The following ZNF44 variants were observed in gnomAD, a reference collection of about 807,000 sequenced individuals.
ZNF44 encodes gonadotropin inducible transcription repressor-2.
Under a neutral mutation model 11.7 loss-of-function variants are expected in ZNF44, and 9 were observed. That is an observed-to-expected ratio of 0.77 (90% confidence interval 0.46 to 1.35). ZNF44 has a LOEUF of 1.35. Among genes scored for constraint, ZNF44 ranks in the 40% most tolerant of loss-of-function variants. The probability of loss-of-function intolerance (pLI) is 0.00; values close to 1 mark genes in which losing one functional copy is unlikely to be tolerated. For synonymous variants in ZNF44, 224 were observed against 242.7 expected (o/e 0.92, Z 0.72); for missense variants, 696 against 743.1 (o/e 0.94, Z 0.74).
intron 5 of ZNF44, among the ~76,000 whole-genome samples, chr19:12,259,041 A>G (rs1449163296): frequency 2.0e-5 from 3 of 151,870 alleles, no homozygotes; most frequent in Admixed American, 6.6e-5. Context: ...CACCCGGCTA[A>G]TTTTTGTATT....
intron 5 of ZNF44, among the ~76,000 whole-genome samples, chr19:12,255,585 G>C (rs1917216672): frequency 6.6e-6 from 1 of 152,152 alleles, no homozygotes; most frequent in African/African-American, 2.4e-5. Flanking sequence ...TGAAAAACAA[G>C]ATGCTTTCCC....
Position 12,272,539 on chromosome 19 carries a change from G to C in ZNF44, c.1716C>G (p.Ser572=). The C allele has an allele frequency of 6.2e-7, 1 of 1,613,016 alleles. No homozygotes were observed. The highest frequency in any genetic ancestry group is 8.5e-7 in the Non-Finnish European group (1 of 1,179,622). The change falls in exon 4 of 4, where the codon TCC becomes TCG. Residue 572 remains serine (S), a synonymous_variant. Transcript: ENST00000355684. ...TTCTTTCATGTTCTCGACAGAAACT[G>C]GAACGACTGAAGGCTTTACCACAGT... is the stretch of plus-strand genomic sequence containing the variant. ...CKHCGKAFSR[S]SFCREHERTH...
At chr19:12,294,472 G>A (rs1216403176) in intron 1 of ZNF44, among the ~76,000 whole-genome samples, 2 of 152,226 alleles carry the variant, frequency 1.3e-5, no homozygotes, top group African/African-American at 4.8e-5. Flanking sequence ...GGCCGGGGCC[G>A]CAGTCGCAGC....
intron 5 of ZNF44, among the ~76,000 whole-genome samples, chr19:12,262,693 C>A (rs1917561275): frequency 2.6e-5 from 4 of 152,172 alleles, no homozygotes; most frequent in Admixed American, 2.6e-4. Flanking sequence ...CATCTTGCAT[C>A]TTAAGATTCT....
chr19:12,276,166 A>G (rs1967211345), intron 1 of ZNF44, 84 bp from the exon 2 acceptor site: 1 of 1,544,164 alleles, frequency 6.5e-7, no homozygotes, highest in Non-Finnish European at 8.8e-7. Context: ...ACTTCCCATG[A>G]TGCTGTGGTT....
chr19:12,272,716 G>A lies in ZNF44; in HGVS notation c.1539C>T (p.Phe513=). 6.2e-7 allele frequency: 1 copy of A among 1,613,602 alleles called. No homozygotes were observed. The highest frequency in any genetic ancestry group is 8.5e-7 in the Non-Finnish European group (1 of 1,179,626). ...SYECQICGKA[F]SRFSYLKTHE... ...GAGTTTTTAAGTAACTGAAACGACT[G>A]AAGGCTTTGCCACAAATTTGACACT... Residue 513 remains phenylalanine, a synonymous_variant, in exon 4 of 4, where the codon TTC becomes TTT. Transcript: ENST00000355684.
intron 2 of ZNF44, among the ~76,000 whole-genome samples, chr19:12,233,551 A>C (rs2438541): frequency 0.04 from 2,330 of 58,096 alleles, 76 homozygotes; most frequent in African/African-American, 0.33. Flanking sequence ...CCCATACATC[A>C]AAAAAAAAAA....
chr19:12,248,288 A>C (rs1916838414), exon 8 of ZNF44: 1 of 1,295,930 alleles, frequency 7.7e-7, no homozygotes. Flanking sequence ...TAAAGGGTTT[A>C]TCTCCAGTGT....
At chr19:12,252,878 C>CTTTTTTTT (rs753388314) in intron 5 of ZNF44, among the ~76,000 whole-genome samples, 8 of 78,640 alleles carry the variant, frequency 1.0e-4, no homozygotes, top group Admixed American at 1.9e-4. Flanking sequence ...CTACAAGAAA[C>CTTTTTTTT]TTTTTTTTTT....
Position 12,273,649 on chromosome 19 carries a change from A to T in ZNF44, c.606T>A (p.Cys202Ter). Reference sequence around the variant, plus strand: ...AACTGGGCCAAAAAAAGGCTTTCCCACACAATTCACATTTATAAGGTCCAT... The same window carrying T: ...AACTGGGCCAAAAAAAGGCTTTCCCTCACAATTCACATTTATAAGGTCCAT... ...GGDGPYKCEL[C>*]GKAFFWPSLL... Residue 202 changes from cysteine (C) to a stop codon, truncating the protein, a stop_gained, in exon 4 of 4, where the codon TGT (cysteine) becomes TGA (stop). Coordinates refer to ENST00000355684, the MANE Select transcript of ZNF44 (RefSeq NM_016264.4). LOFTEE classifies it low-confidence loss of function (END_TRUNC). The T allele has an allele frequency of 2.5e-6, 4 of 1,614,228 alleles. No individual in the cohort carries two copies. Among genetic ancestry groups the T allele is most frequent in the Non-Finnish European group, 3.4e-6 (4 of 1,180,032 alleles).
At chr19:12,288,774 G>GTATATATATATATATATACATATATATA (rs1967870926) in intron 1 of ZNF44, among the ~76,000 whole-genome samples, 1 of 76,840 alleles carries the variant, frequency 1.3e-5, no homozygotes, top group African/African-American at 9.1e-5. Flanking sequence ...AAAAAAAAAT[G>GTATATATATATATATATACATATATATA]TATATATATA....
At chr19:12,228,162 A>C in intron 3 of ZNF44, among the ~76,000 whole-genome samples, 1 of 105,532 alleles carries the variant, frequency 9.5e-6, no homozygotes, top group African/African-American at 4.7e-5. Context: ...AACCTTCAAA[A>C]CAATTGTTTA....
At chr19:12,235,313 G>A (rs1436447734) in intron 1 of ZNF44, among the ~76,000 whole-genome samples, 1 of 152,194 alleles carries the variant, frequency 6.6e-6, no homozygotes, top group East Asian at 1.9e-4. Context: ...AGCTTGCAGT[G>A]AGCCGAGATC....
At chr19:12,263,143 T>TGGCGCAATCTCCCGCTC (rs1917583698) in intron 5 of ZNF44, among the ~76,000 whole-genome samples, 1 of 151,446 alleles carries the variant, frequency 6.6e-6, no homozygotes, top group African/African-American at 2.4e-5. Context: ...TGGAGTGCAA[T>TGGCGCAATCTCCCGCTC]GGCGCAATCT....
chr19:12,233,741 A>G (rs772993804), intron 2 of ZNF44, among the ~76,000 whole-genome samples: 3 of 152,066 alleles, frequency 2.0e-5, no homozygotes, highest in Non-Finnish European at 2.9e-5. Context: ...TACTTTCACA[A>G]TCTTTCTAAT....
At chr19:12,276,746 G>A (rs1967240128) in intron 1 of ZNF44, among the ~76,000 whole-genome samples, 2 of 152,178 alleles carry the variant, frequency 1.3e-5, no homozygotes, top group South Asian at 4.1e-4. Flanking sequence ...TGGTTTAAGA[G>A]GTGAGTGGGT....
upstream of ZNF44, among the ~76,000 whole-genome samples, chr19:12,241,137 C>G (rs141271540): frequency 2.1e-4 from 32 of 152,260 alleles, no homozygotes; most frequent in African/African-American, 7.5e-4. Context: ...TGGCCAACAA[C>G]CACATGGAAT....
At chr19:12,291,086 A>G (rs914486038) in intron 1 of ZNF44, 3 of 313,122 alleles carry the variant, frequency 9.6e-6, no homozygotes, top group African/African-American at 6.7e-5. Flanking sequence ...TATCCATCTC[A>G]GATAATAAAC....
intron 5 of ZNF44, among the ~76,000 whole-genome samples, chr19:12,266,006 G>A (rs1034284564): frequency 1.3e-5 from 2 of 152,200 alleles, no homozygotes; most frequent in African/African-American, 2.4e-5. Context: ...ATCTGGGGGA[G>A]ACGCGGGCCT....
Sources: gnomAD v4.1 joint callset for allele counts (sites outside exome capture counted in the v4.1 genomes callset) on GRCh38, gnomAD v4.1.1 for gene constraint, MANE v1.5 for transcripts, NCBI Gene and HGNC (gene_info 2026-07-23, HGNC 2026-07-21) for gene names.